NPAT: variants seen among roughly 807,000 people sequenced by gnomAD.
The protein encoded by NPAT is nuclear protein, coactivator of histone transcription.
A neutral mutation model predicts 130.7 loss-of-function variants in NPAT; 52 were observed. The ratio of observed to expected loss-of-function variants is 0.40; its 90% CI spans 0.32 to 0.50. The LOEUF (loss-of-function observed/expected upper bound fraction) is 0.50, where lower values mean the gene tolerates loss of function less well. Among genes scored for constraint, NPAT ranks in the 20% least tolerant of loss-of-function variants. NPAT has a pLI of 0.68. For synonymous variants in NPAT, 580 were observed against 584.8 expected (o/e 0.99, Z 0.12); for missense variants, 1,687 against 1,662.6 (o/e 1.01, Z -0.26).
chr11:108,222,621 G>T lies in NPAT; in HGVS notation c.-85C>A. 1.2e-5 allele frequency: 18 copies of T among 1,459,092 alleles called. 1 individual carries two copies. In the South Asian group the frequency reaches 2.1e-4, roughly 17 times the overall value. 90.4% of individuals were successfully genotyped at this position (1,459,092 alleles called of 1,614,324 possible). ...CGACAGCTCCTGCGCCGCATCTCCTGGTTCCAGTGGCGGCACTGAACTCGC... is the reference window on the plus strand; with the variant it reads ...CGACAGCTCCTGCGCCGCATCTCCTTGTTCCAGTGGCGGCACTGAACTCGC... On this transcript the variant is annotated 5_prime_UTR_variant, in exon 1 of 18. Transcript: ENST00000278612.
intron 1 of NPAT, among the ~76,000 whole-genome samples, chr11:108,201,422 A>G (rs1355335857): frequency 6.6e-6 from 1 of 152,226 alleles, no homozygotes; most frequent in Non-Finnish European, 1.5e-5. Context: ...CCTTTGACCA[A>G]CTGAAACAAG....
chr11:108,215,270 A>G (rs1248852001), intron 1 of NPAT, among the ~76,000 whole-genome samples: 1 of 151,882 alleles, frequency 6.6e-6, no homozygotes, highest in Non-Finnish European at 1.5e-5. Context: ...CAGTGCTGGC[A>G]TAATAGTCAG....
chr11:108,202,178 G>C (rs532007355), intron 1 of NPAT, among the ~76,000 whole-genome samples: 1 of 152,216 alleles, frequency 6.6e-6, no homozygotes, highest in African/African-American at 2.4e-5. Context: ...TGGAAAGAAA[G>C]GGACTTCCTC....
Position 108,173,833 on chromosome 11 carries a change from G to A in NPAT, c.1151C>T (p.Pro384Leu). 1 of 1,614,132 alleles carries A rather than the reference G, an allele frequency of 6.2e-7. No homozygotes were observed. Among genetic ancestry groups the A allele is most frequent in the Non-Finnish European group, 8.5e-7 (1 of 1,180,018 alleles). Reference sequence around the variant, plus strand: ...ATTCTGATAGGATGTACAAAAAGCGGGCTGACCAGACTGACCATCTGCAAA... The same window carrying A: ...ATTCTGATAGGATGTACAAAAAGCGAGCTGACCAGACTGACCATCTGCAAA... The part of the protein sequence containing the change: ...TEESDGQSGQ[P>L]AFCTSYQNDD... The change falls in exon 13 of 18, where the codon CCC becomes CTC. Residue 384 changes from proline (P) to leucine (L), a missense_variant. This residue lies in a region of NPAT where 1,379 missense variants were observed against 1,346.6 expected (regional missense o/e 1.02). Coordinates refer to ENST00000278612, the MANE Select transcript of NPAT (RefSeq NM_002519.3).
intron 6 of NPAT, among the ~76,000 whole-genome samples, chr11:108,188,805 T>A (rs542196932): frequency 6.6e-6 from 1 of 152,138 alleles, no homozygotes; most frequent in Non-Finnish European, 1.5e-5. Context: ...AAGTAGAAAA[T>A]ATAATGTACA....
At chr11:108,222,361 G>GT (rs2078528206) in intron 1 of NPAT, 139 bp downstream of exon 1, 1 of 864,542 alleles carries the variant, frequency 1.2e-6, no homozygotes. Context: ...GAATGACGAA[G>GT]AATCACCGCC....
At position 108,172,732 on chromosome 11, in the gene NPAT, G is replaced by C; in HGVS notation, c.2252C>G (p.Ser751Cys). 1.9e-6 allele frequency: 3 copies of C among 1,613,484 alleles called. No individual in the cohort carries two copies. Among genetic ancestry groups the C allele is most frequent in the Non-Finnish European group, 2.5e-6 (3 of 1,180,004 alleles). The change falls in exon 13 of 18, where the codon TCC becomes TGC. Residue 751 changes from serine (S) to cysteine (C), a missense_variant. Coordinates refer to ENST00000278612, the MANE Select transcript of NPAT (RefSeq NM_002519.3). ...KVIISDDPFV[S>C]SDTELTSAVS... ...AGCACTGGTAAGTTCAGTATCTGAG[G>C]AAACAAATGGATCATCACTAATGAT...
chr11:108,170,614 TA>T (rs1318080987), intron 13 of NPAT, among the ~76,000 whole-genome samples: 1 of 152,246 alleles, frequency 6.6e-6, no homozygotes, highest in African/African-American at 2.4e-5. Flanking sequence ...AGTTTGTGGC[TA>T]CTGTAATTTA....
At chr11:108,207,525 T>C (rs753239565) in intron 1 of NPAT, among the ~76,000 whole-genome samples, 5 of 152,218 alleles carry the variant, frequency 3.3e-5, no homozygotes, top group Non-Finnish European at 7.4e-5. Flanking sequence ...CATGTGCTCA[T>C]CAGAGCTCAA....
intron 1 of NPAT, among the ~76,000 whole-genome samples, chr11:108,214,186 C>T (rs188140400): frequency 3.5e-4 from 53 of 152,200 alleles, no homozygotes; most frequent in Non-Finnish European, 6.5e-4. Flanking sequence ...TGAGCCATTA[C>T]AGCTGGCCTG....
chr11:108,219,699 A>AT lies in NPAT; in HGVS notation c.37+2800dup, dbSNP rs2052491209. 2.0e-5 allele frequency among the ~76,000 whole-genome samples: 3 copies of AT among 151,764 alleles called. No individual in the cohort carries two copies. In the South Asian group the frequency reaches 6.2e-4, roughly 32 times the overall value. On this transcript the variant is annotated intron_variant, in intron 1 of 17. Transcript: ENST00000278612. ...GTGATGGTTGCAGAAAAATGTCAATATAGTTAACACTACTGATCTGTACAT... is the reference window on the plus strand; with the variant it reads ...GTGATGGTTGCAGAAAAATGTCAATATTAGTTAACACTACTGATCTGTACAT...
chr11:108,169,375 A>T (rs1280399080), intron 15 of NPAT, among the ~76,000 whole-genome samples: 1 of 152,212 alleles, frequency 6.6e-6, no homozygotes, highest in Non-Finnish European at 1.5e-5. Context: ...CAAAATCCCC[A>T]AATAGTTCAT....
At chr11:108,184,496 T>C (rs1340432836) in intron 10 of NPAT, among the ~76,000 whole-genome samples, 1 of 150,540 alleles carries the variant, frequency 6.6e-6, no homozygotes, top group African/African-American at 2.4e-5. Context: ...TCTTGTTCAT[T>C]TTATTTTGTT....
At chr11:108,197,162 G>C (rs773392342) in intron 2 of NPAT, 140 bp downstream of exon 2, 20 of 680,474 alleles carry the variant, frequency 2.9e-5, no homozygotes, top group Non-Finnish European at 4.8e-5. Flanking sequence ...GTCTTCTTTG[G>C]GTCTTACCAG....
chr11:108,173,622 G>A lies in NPAT; in HGVS notation c.1362C>T (p.Asn454=), dbSNP rs766288535. The A allele has an allele frequency of 7.4e-6, 12 of 1,613,964 alleles. No homozygotes were observed. The African/African-American group carries it at 1.5e-4, about 20-fold the overall frequency. Reference sequence around the variant, plus strand: ...ATTCAGCATTAGAATTCCCTCTTTGGTTAAAGTCATTCAAATTAGGCACGG... The same window carrying A: ...ATTCAGCATTAGAATTCCCTCTTTGATTAAAGTCATTCAAATTAGGCACGG... ...FESVPNLNDF[N]QRGNSNAECN... The change falls in exon 13 of 18, where the codon AAC becomes AAT. Residue 454 remains asparagine, a synonymous_variant. Transcript: ENST00000278612.
intron 1 of NPAT, among the ~76,000 whole-genome samples, chr11:108,200,228 G>A (rs1403639402): frequency 6.6e-6 from 1 of 152,176 alleles, no homozygotes; most frequent in Non-Finnish European, 1.5e-5. Context: ...GTAAGAGACT[G>A]ATTTTTTTCC....
intron 15 of NPAT, among the ~76,000 whole-genome samples, chr11:108,165,347 C>G (rs1360699874): frequency 1.3e-5 from 2 of 150,272 alleles, no homozygotes; most frequent in Non-Finnish European, 3.0e-5. Context: ...CCTGGGCTCG[C>G]ATTCCTCCTG....
At chr11:108,186,145 C>A (rs1409026934) in intron 8 of NPAT, among the ~76,000 whole-genome samples, 4 of 151,948 alleles carry the variant, frequency 2.6e-5, no homozygotes, top group Non-Finnish European at 5.9e-5. Context: ...GCCTCCCAAG[C>A]AGCTAGGACT....
At chr11:108,188,878 G>T (rs765019327) in intron 6 of NPAT, among the ~76,000 whole-genome samples, 60 of 152,152 alleles carry the variant, frequency 3.9e-4, no homozygotes, top group Middle Eastern at 3.2e-3. Context: ...GAGAATTAGA[G>T]AGTTGAAGAC....
Sources: gnomAD v4.1 joint callset for allele counts (sites outside exome capture counted in the v4.1 genomes callset) on GRCh38, gnomAD v4.1.1 for gene constraint, gnomAD v4.1.1 regional missense constraint, MANE v1.5 for transcripts, NCBI Gene and HGNC (gene_info 2026-07-23, HGNC 2026-07-21) for gene names.